Variants in NDUFAF2 observed in about 807,000 individuals in gnomAD.
NDUFAF2 encodes the protein NADH:ubiquinone oxidoreductase complex assembly factor 2, also known as NADH dehydrogenase [ubiquinone] 1 alpha subcomplex assembly factor 2.
NDUFAF2 carries 13 observed loss-of-function variants against 22.8 expected under a neutral mutation model. The ratio of observed to expected loss-of-function variants is 0.57; its 90% confidence interval spans 0.37 to 0.91. NDUFAF2 has a LOEUF of 0.91. Among genes scored for constraint, NDUFAF2 ranks in the 40% least tolerant of loss-of-function variants. NDUFAF2 has a pLI of 0.01. For missense variants in NDUFAF2, 162 were observed against 195.2 expected (o/e 0.83, Z 1.01); for synonymous variants, 53 against 64.2 (o/e 0.83, Z 0.84).
intron 3 of NDUFAF2, among the ~76,000 whole-genome samples, chr5:61,120,119 T>G (rs1012863609): frequency 1.3e-5 from 2 of 152,180 alleles, no homozygotes; most frequent in African/African-American, 2.4e-5. Context: ...AACAAGCACT[T>G]GAAACATAGT....
At chr5:61,145,106 T>TA (rs958713903) in intron 3 of NDUFAF2, among the ~76,000 whole-genome samples, 7 of 152,098 alleles carry the variant, frequency 4.6e-5, no homozygotes, top group African/African-American at 1.7e-4. Flanking sequence ...CTTTGTTTTT[T>TA]AAAAAAACAA....
chr5:61,052,557 G>A (rs561390509), intron 1 of NDUFAF2, among the ~76,000 whole-genome samples: 3 of 152,198 alleles, frequency 2.0e-5, no homozygotes, highest in South Asian at 2.1e-4. Flanking sequence ...TGATCCGCCC[G>A]CCTCGGCCTC....
At chr5:61,033,481 A>T (rs1203630752) in intron 1 of NDUFAF2, among the ~76,000 whole-genome samples, 5 of 152,156 alleles carry the variant, frequency 3.3e-5, no homozygotes, top group South Asian at 2.1e-4. Context: ...TCCACATGAA[A>T]CCTATTTTGT....
intron 1 of NDUFAF2, among the ~76,000 whole-genome samples, chr5:60,956,975 G>C (rs1331258470): frequency 2.0e-5 from 3 of 151,862 alleles, no homozygotes; most frequent in Non-Finnish European, 4.4e-5. Context: ...TGAGAAACCG[G>C]ATCAAAAGAG....
At chr5:60,949,227 C>T (rs577651317) in intron 1 of NDUFAF2, among the ~76,000 whole-genome samples, 1 of 152,198 alleles carries the variant, frequency 6.6e-6, no homozygotes, top group Non-Finnish European at 1.5e-5. Context: ...TCATCCCTAA[C>T]CTCAGCAACC....
At chr5:60,970,484 C>T (rs775171698) in intron 1 of NDUFAF2, among the ~76,000 whole-genome samples, 5 of 151,952 alleles carry the variant, frequency 3.3e-5, no homozygotes, top group Admixed American at 6.6e-5. Context: ...TTTAGTTGTA[C>T]TTATTAATGG....
At chr5:61,073,492 A>T (rs1752327375) in intron 2 of NDUFAF2, among the ~76,000 whole-genome samples, 1 of 152,238 alleles carries the variant, frequency 6.6e-6, no homozygotes. Flanking sequence ...GCAAAATTTA[A>T]GCAGGCACTC....
intron 1 of NDUFAF2, among the ~76,000 whole-genome samples, chr5:61,058,979 A>G (rs994778572): frequency 1.3e-5 from 2 of 152,070 alleles, no homozygotes; most frequent in African/African-American, 2.4e-5. Context: ...CTTTTTCAGC[A>G]GATCAAAAAT....
chr5:61,031,770 T>C (rs1468031698), intron 1 of NDUFAF2, among the ~76,000 whole-genome samples: 1 of 152,198 alleles, frequency 6.6e-6, no homozygotes, highest in East Asian at 1.9e-4. Context: ...CAAATGGCAT[T>C]TCTAGTTCTA....
chr5:61,145,188 A>G lies in NDUFAF2; in HGVS notation c.259-7516A>G, dbSNP rs1741120979. On this transcript the variant is annotated intron_variant, in intron 3 of 3. Transcript: ENST00000296597. ...TGAATGCAACAATAATACAGCTACC[A>G]AAAGGGCTCTTAACCAGGGCTCTTA... is the stretch of plus-strand genomic sequence containing the variant. Among the ~76,000 whole-genome samples, 3 of 152,232 alleles carry G rather than the reference A, an allele frequency of 2.0e-5. No homozygotes were observed. In the South Asian group the frequency reaches 6.2e-4, roughly 32 times the overall value.
chr5:60,952,129 T>C (rs1361339026), intron 1 of NDUFAF2, among the ~76,000 whole-genome samples: 1 of 152,002 alleles, frequency 6.6e-6, no homozygotes, highest in Non-Finnish European at 1.5e-5. Flanking sequence ...GAGTGGTTTG[T>C]TAATTTTATT....
At chr5:61,125,040 A>T (rs1190058009) in intron 3 of NDUFAF2, among the ~76,000 whole-genome samples, 3 of 151,976 alleles carry the variant, frequency 2.0e-5, no homozygotes, top group African/African-American at 7.2e-5. Flanking sequence ...AATCATGAGA[A>T]CAGCATGGGG....
At chr5:61,067,687 G>A (rs1350105350) in intron 1 of NDUFAF2, among the ~76,000 whole-genome samples, 9 of 152,056 alleles carry the variant, frequency 5.9e-5, no homozygotes, top group African/African-American at 1.7e-4. Flanking sequence ...TAATGGGATG[G>A]CTGGGTCAAA....
chr5:61,103,734 G>GA (rs907727496), intron 3 of NDUFAF2, among the ~76,000 whole-genome samples: 2 of 152,028 alleles, frequency 1.3e-5, no homozygotes, highest in Non-Finnish European at 2.9e-5. Context: ...TTTCCAAATT[G>GA]ATTGTTGTCT....
chr5:60,983,964 G>C (rs559904634), intron 1 of NDUFAF2, among the ~76,000 whole-genome samples: 241 of 152,132 alleles, frequency 1.6e-3, no homozygotes, highest in Middle Eastern at 3.4e-3. Context: ...GATGGGGATG[G>C]CATTGAATCT....
intron 1 of NDUFAF2, among the ~76,000 whole-genome samples, chr5:60,992,113 C>G (rs1034364803): frequency 6.6e-6 from 1 of 152,182 alleles, no homozygotes; most frequent in African/African-American, 2.4e-5. Context: ...AATGTCTATT[C>G]AAATCTTTGC....
intron 3 of NDUFAF2, among the ~76,000 whole-genome samples, chr5:61,112,037 G>A (rs961790067): frequency 5.9e-5 from 9 of 151,790 alleles, no homozygotes; most frequent in African/African-American, 1.7e-4. Flanking sequence ...GATTACAGGC[G>A]TGAGCCATGG....
At chr5:60,956,842 A>G (rs1265760791) in intron 1 of NDUFAF2, among the ~76,000 whole-genome samples, 1 of 152,148 alleles carries the variant, frequency 6.6e-6, no homozygotes, top group African/African-American at 2.4e-5. Flanking sequence ...AACATTATTT[A>G]TAATATCATC....
chr5:61,048,341 T>G (rs1303674311), intron 1 of NDUFAF2, among the ~76,000 whole-genome samples: 2 of 152,178 alleles, frequency 1.3e-5, no homozygotes, highest in African/African-American at 4.8e-5. Context: ...CAAATTATTT[T>G]TTTATCCTGG....
Sources: allele counts gnomAD v4.1 joint callset (sites outside exome capture counted in the v4.1 genomes callset), GRCh38; gene constraint gnomAD v4.1.1; transcripts MANE v1.5; gene names NCBI Gene and HGNC (gene_info 2026-07-23, HGNC 2026-07-21).